The following MECOM variants were observed in gnomAD, a reference collection of about 807,000 sequenced individuals.
MECOM encodes the protein histone-lysine N-methyltransferase MECOM.
A neutral mutation model predicts 116.3 loss-of-function variants in MECOM; 13 were observed. The ratio of observed to expected loss-of-function variants is 0.11; its 90% confidence interval spans 0.07 to 0.18. The LOEUF (loss-of-function observed/expected upper bound fraction) is 0.18, where lower values mean the gene tolerates loss of function less well. Among genes scored for constraint, MECOM ranks in the 10% least tolerant of loss-of-function variants. The probability of loss-of-function intolerance (pLI) is 1.00; values close to 1 mark genes in which losing one functional copy is unlikely to be tolerated. For missense variants in MECOM, 1,299 were observed against 1,509.0 expected (o/e 0.86, Z 2.31); for synonymous variants, 528 against 535.2 (o/e 0.99, Z 0.19).
At chr3:169,404,697 G>A (rs865809965) in intron 1 of MECOM, among the ~76,000 whole-genome samples, 8 of 152,150 alleles carry the variant, frequency 5.3e-5, no homozygotes, top group Non-Finnish European at 1.2e-4. Context: ...AGAGCGCCAC[G>A]CAGAGAAGGC....
At chr3:169,208,682 A>T (rs1216938079) in intron 2 of MECOM, among the ~76,000 whole-genome samples, 1 of 152,096 alleles carries the variant, frequency 6.6e-6, no homozygotes, top group African/African-American at 2.4e-5. Flanking sequence ...ACCACTGGTC[A>T]GGAAATAAGA....
At chr3:169,243,600 A>G (rs1375081489) in intron 2 of MECOM, among the ~76,000 whole-genome samples, 1 of 152,212 alleles carries the variant, frequency 6.6e-6, no homozygotes, top group African/African-American at 2.4e-5. Context: ...CTGATTGAAT[A>G]AACTATTTAA....
Position 169,116,378 on chromosome 3 carries a change from G to A in MECOM, c.1494C>T (p.Gly498=), listed in dbSNP as rs1158279956. 3.1e-6 allele frequency: 5 copies of A among 1,614,098 alleles called. No homozygotes were observed. Among genetic ancestry groups the A allele is most frequent in the Non-Finnish European group, 4.2e-6 (5 of 1,180,054 alleles). ...GTATCAAAGGAGGCCTGTGGTACAA[G>A]CCGGAAGGAAACAGACCAGGGAAGC... ...SFSFPGLFPS[G]LYHRPPLIPA... Residue 498 remains glycine, a synonymous_variant, in exon 8 of 17, where the codon GGC becomes GGT. Transcript: ENST00000651503.
chr3:169,411,984 T>C (rs12631604), intron 1 of MECOM, among the ~76,000 whole-genome samples: 6,717 of 143,846 alleles, frequency 0.047, 458 homozygotes, highest in Admixed American at 0.2. Flanking sequence ...GAGCAAGACT[T>C]TATATAAAAA....
chr3:169,257,545 T>C (rs1756999895), intron 2 of MECOM, among the ~76,000 whole-genome samples: 1 of 152,212 alleles, frequency 6.6e-6, no homozygotes, highest in East Asian at 1.9e-4. Context: ...TCTTCACATT[T>C]TTATTCAAGG....
intron 1 of MECOM, among the ~76,000 whole-genome samples, chr3:169,386,716 TA>T (rs1377808356): frequency 6.6e-6 from 1 of 152,172 alleles, no homozygotes; most frequent in East Asian, 1.9e-4. Flanking sequence ...CATAAATTTT[TA>T]TTGTCATCCA....
At chr3:169,548,900 A>G (rs757886452) in intron 1 of MECOM, among the ~76,000 whole-genome samples, 1 of 151,928 alleles carries the variant, frequency 6.6e-6, no homozygotes, top group African/African-American at 2.4e-5. Flanking sequence ...GGTAACTGAT[A>G]CCTAGAGAGC....
At chr3:169,210,659 G>C (rs935846472) in intron 2 of MECOM, among the ~76,000 whole-genome samples, 2 of 152,054 alleles carry the variant, frequency 1.3e-5, no homozygotes, top group African/African-American at 2.4e-5. Context: ...TTCACATTAA[G>C]TAGGCTGATA....
chr3:169,323,316 C>T (rs1429170528), intron 2 of MECOM, among the ~76,000 whole-genome samples: 1 of 152,096 alleles, frequency 6.6e-6, no homozygotes, highest in African/African-American at 2.4e-5. Flanking sequence ...GTGTGTGTTT[C>T]CCTTCTAGAG....
chr3:169,450,196 A>G (rs1745321244), intron 1 of MECOM, among the ~76,000 whole-genome samples: 1 of 152,182 alleles, frequency 6.6e-6, no homozygotes, highest in Non-Finnish European at 1.5e-5. Flanking sequence ...TTTCTGAAAT[A>G]TGTGTCATGC....
At chr3:169,263,766 G>A (rs1757924695) in intron 2 of MECOM, among the ~76,000 whole-genome samples, 1 of 152,060 alleles carries the variant, frequency 6.6e-6, no homozygotes, top group Admixed American at 6.5e-5. Context: ...CTTTCTTTTT[G>A]TTTTAGCATG....
intron 1 of MECOM, among the ~76,000 whole-genome samples, chr3:169,484,765 G>A (rs1168575082): frequency 7.0e-6 from 1 of 142,504 alleles, no homozygotes; most frequent in Non-Finnish European, 1.5e-5. Context: ...ACATTGGAAG[G>A]CAGACTCCTT....
intron 1 of MECOM, among the ~76,000 whole-genome samples, chr3:169,654,721 G>A (rs1775317906): frequency 6.6e-6 from 1 of 152,102 alleles, no homozygotes; most frequent in African/African-American, 2.4e-5. Context: ...ACGGCATGGA[G>A]GGAAAGAAAG....
intron 2 of MECOM, among the ~76,000 whole-genome samples, chr3:169,327,501 G>A (rs914468321): frequency 5.3e-5 from 8 of 151,902 alleles, no homozygotes; most frequent in African/African-American, 1.9e-4. Context: ...AGCCGGGTAT[G>A]GTGGCACATG....
chr3:169,157,758 T>C (rs1742204016), intron 2 of MECOM, among the ~76,000 whole-genome samples: 1 of 152,214 alleles, frequency 6.6e-6, no homozygotes, highest in Admixed American at 6.5e-5. Context: ...TATGTAGTTC[T>C]TGGCTGGAAA....
intron 1 of MECOM, among the ~76,000 whole-genome samples, chr3:169,528,406 G>T (rs1758199951): frequency 6.6e-6 from 1 of 152,158 alleles, no homozygotes; most frequent in African/African-American, 2.4e-5. Flanking sequence ...TTCAAGTGTA[G>T]CTTGCATTTG....
chr3:169,567,386 T>C (rs1239263866), intron 1 of MECOM, among the ~76,000 whole-genome samples: 1 of 152,226 alleles, frequency 6.6e-6, no homozygotes, highest in Non-Finnish European at 1.5e-5. Context: ...AGGACTTGGA[T>C]TCCGACTGAA....
intron 2 of MECOM, among the ~76,000 whole-genome samples, chr3:169,291,074 A>G (rs1714458064): frequency 6.6e-6 from 1 of 152,220 alleles, no homozygotes; most frequent in African/African-American, 2.4e-5. Flanking sequence ...ACTTATTAAA[A>G]GGAAATCCTT....
intron 2 of MECOM, among the ~76,000 whole-genome samples, chr3:169,253,813 C>T (rs1360684516): frequency 6.6e-6 from 1 of 152,006 alleles, no homozygotes; most frequent in African/African-American, 2.4e-5. Flanking sequence ...ATGAAATGAT[C>T]TACCCTAATC....
Sources: allele counts gnomAD v4.1 joint callset (sites outside exome capture counted in the v4.1 genomes callset), GRCh38; gene constraint gnomAD v4.1.1; transcripts MANE v1.5; gene names NCBI Gene and HGNC (gene_info 2026-07-23, HGNC 2026-07-21).